PSME4: variants seen among roughly 807,000 people sequenced by gnomAD.
PSME4 encodes the protein proteasome activator complex subunit 4.
PSME4 carries 89 observed loss-of-function variants against 253.9 expected under a neutral mutation model. The ratio of observed to expected loss-of-function variants is 0.35; its 90% CI spans 0.30 to 0.42. The LOEUF (loss-of-function observed/expected upper bound fraction) is 0.42. Among genes scored for constraint, PSME4 ranks in the 10% least tolerant of loss-of-function variants. PSME4 has a pLI of 1.00. For synonymous variants in PSME4, 851 were observed against 759.2 expected, an observed-to-expected ratio of 1.12 and a Z score of -1.99; for missense variants, 2,014 against 2,195.2, an observed-to-expected ratio of 0.92 and a Z score of 1.65.
In PSME4 at chr2:53,932,095, C is replaced by G; in HGVS notation, c.1056G>C (p.Lys352Asn). ...HPSNNGRWLNKLMKLLQRLPN... is the reference protein window; with the variant it reads ...HPSNNGRWLNNLMKLLQRLPN... ...GCAACCGCTGAAGTAGTTTCATTAA[C>G]TTGTTCTGGGGACACAGAAGCAAAA... The change falls in exon 10 of 47, where the codon AAG (lysine) becomes AAC (asparagine). Residue 352 changes from lysine to asparagine, a missense_variant. Around this residue, in one of 4 missense-constraint regions of PSME4, gnomAD observed 615 missense variants for 594.4 expected, o/e 1.03. Transcript: ENST00000404125. 1.4e-5 allele frequency: 22 copies of G among 1,613,554 alleles called. No individual in the cohort carries two copies. Among genetic ancestry groups the G allele is most frequent in the Non-Finnish European group, 1.9e-5 (22 of 1,179,594 alleles).
intron 1 of PSME4, among the ~76,000 whole-genome samples, chr2:53,962,007 A>T (rs1670516031): frequency 3.3e-5 from 5 of 152,242 alleles, no homozygotes; most frequent in Admixed American, 3.3e-4. Context: ...AACTTGTGGA[A>T]TGCTGAGAAA....
Position 53,936,174 on chromosome 2 carries a change from A to C in PSME4, c.760-13T>G. Reference sequence around the variant, plus strand: ...GATTTACTAGTTGCTGAAAGTAAACAAAAAGGACAAAGTTAATATATTTGT... The same window carrying C: ...GATTTACTAGTTGCTGAAAGTAAACCAAAAGGACAAAGTTAATATATTTGT... On this transcript the variant is annotated splice_polypyrimidine_tract_variant and intron_variant, in intron 6 of 46. Transcript: ENST00000404125. 1 of 1,613,262 alleles carries C rather than the reference A, an allele frequency of 6.2e-7. No homozygotes were observed. The highest frequency in any genetic ancestry group is 8.5e-7 in the Non-Finnish European group (1 of 1,179,492).
chr2:53,901,613 A>G (rs1680404168), intron 27 of PSME4, 54 bp from the exon 28 acceptor site: 4 of 1,446,954 alleles, frequency 2.8e-6, no homozygotes, highest in African/African-American at 1.4e-5. Flanking sequence ...GGCATCATGT[A>G]GTTGTAGCCA....
intron 1 of PSME4, among the ~76,000 whole-genome samples, chr2:53,958,968 T>C (rs1046392075): frequency 7.9e-5 from 12 of 152,240 alleles, no homozygotes; most frequent in Non-Finnish European, 1.6e-4. Context: ...ATGTTAAAAC[T>C]TTACTAAAAT....
At chr2:53,938,811 G>C (rs932179289) in intron 4 of PSME4, among the ~76,000 whole-genome samples, 1 of 152,096 alleles carries the variant, frequency 6.6e-6, no homozygotes, top group Non-Finnish European at 1.5e-5. Context: ...GAATACTTCT[G>C]TTGAGTTCAC....
chr2:53,958,301 A>G (rs1418543142), intron 1 of PSME4, among the ~76,000 whole-genome samples: 1 of 152,032 alleles, frequency 6.6e-6, no homozygotes, highest in Admixed American at 6.6e-5. Flanking sequence ...GATTGCAGTG[A>G]GCTGAGATAG....
intron 14 of PSME4, among the ~76,000 whole-genome samples, chr2:53,924,562 CA>C (rs1324354832): frequency 6.6e-6 from 1 of 152,072 alleles, no homozygotes; most frequent in African/African-American, 2.4e-5. Context: ...ATGTCATAAG[CA>C]ATTTCTAAAA....
In PSME4 at chr2:53,920,883, G is replaced by A; in HGVS notation, c.2262+6C>T. 6.3e-7 allele frequency: 1 copy of A among 1,576,952 alleles called. No individual in the cohort carries two copies. The highest frequency in any genetic ancestry group is 8.7e-7 in the Non-Finnish European group (1 of 1,146,870). ...TCTTGAATCCTAAAGTACTGAAAAT[G>A]CTTGCCTTGATAGGAAAGTATTCAG... On this transcript the variant is annotated splice_donor_region_variant and intron_variant, in intron 18 of 46. Coordinates refer to ENST00000404125, the MANE Select transcript of PSME4 (RefSeq NM_014614.3).
intron 27 of PSME4, 44 bp downstream of exon 27, chr2:53,903,981 A>G: frequency 4.0e-6 from 6 of 1,502,788 alleles, no homozygotes; most frequent in Middle Eastern, 1.7e-4. Context: ...GCTTTTCAGT[A>G]TGTTTGAAAA....
intron 1 of PSME4, among the ~76,000 whole-genome samples, chr2:53,957,545 G>A (rs1483254311): frequency 1.3e-5 from 2 of 152,172 alleles, no homozygotes; most frequent in African/African-American, 4.8e-5. Context: ...ACTGATCTGA[G>A]AGGAGGCAGA....
chr2:53,883,977 C>T (rs182730752), intron 41 of PSME4, among the ~76,000 whole-genome samples: 1 of 152,242 alleles, frequency 6.6e-6, no homozygotes, highest in Non-Finnish European at 1.5e-5. Flanking sequence ...TTCTGACCGC[C>T]TCTTCTACTC....
chr2:53,950,632 A>G (rs1669931268), intron 1 of PSME4, among the ~76,000 whole-genome samples: 1 of 152,076 alleles, frequency 6.6e-6, no homozygotes, highest in Non-Finnish European at 1.5e-5. Context: ...ACCTGAGGTC[A>G]GGAGTTTGAG....
At chr2:53,879,964 A>T (rs924478652) in intron 41 of PSME4, among the ~76,000 whole-genome samples, 1 of 152,222 alleles carries the variant, frequency 6.6e-6, no homozygotes, top group African/African-American at 2.4e-5. Context: ...TTAAAAGGTT[A>T]AAAAAATTAC....
chr2:53,876,832 C>T (rs911755508), intron 41 of PSME4, among the ~76,000 whole-genome samples: 12 of 151,038 alleles, frequency 7.9e-5, no homozygotes, highest in Non-Finnish European at 1.6e-4. Flanking sequence ...ATCCTCCCAC[C>T]TCAGCCTTCT....
intron 1 of PSME4, among the ~76,000 whole-genome samples, chr2:53,957,359 G>GAATC (rs1185082343): frequency 6.6e-6 from 1 of 152,136 alleles, no homozygotes; most frequent in Non-Finnish European, 1.5e-5. Flanking sequence ...TCATAATGTA[G>GAATC]AATCAGTGGG....
At chr2:53,917,749 T>C (rs1024571092) in intron 20 of PSME4, among the ~76,000 whole-genome samples, 28 of 152,224 alleles carry the variant, frequency 1.8e-4, no homozygotes, top group African/African-American at 6.0e-4. Flanking sequence ...GTCAAGTTCT[T>C]ACTGTATTAC....
intron 17 of PSME4, among the ~76,000 whole-genome samples, chr2:53,921,364 A>G (rs1668307362): frequency 6.6e-6 from 1 of 151,668 alleles, no homozygotes; most frequent in Non-Finnish European, 1.5e-5. Flanking sequence ...CTCCTGCCTC[A>G]GCCTCCCAAG....
intron 1 of PSME4, among the ~76,000 whole-genome samples, chr2:53,961,863 A>G (rs1380468233): frequency 6.6e-6 from 1 of 152,244 alleles, no homozygotes; most frequent in Non-Finnish European, 1.5e-5. Flanking sequence ...TTATAACCCG[A>G]AGCGTCCACC....
Position 53,875,738 on chromosome 2 carries a change from A to G in PSME4, c.4833T>C (p.Asn1611=), listed in dbSNP as rs781406553. The change falls in exon 42 of 47, where the codon AAT becomes AAC. Residue 1611 remains asparagine (N), a synonymous_variant. Transcript: ENST00000404125. The stretch of plus-strand genomic sequence containing the variant: ...TTTTCAGTTCATCGTAGCTATTGTC[A>G]TTTTCCACTGGGGCAATCTAAAAAA... ...PLFFKIAPVE[N]DNSYDELKRD... 24 of 1,612,378 alleles carry G rather than the reference A, an allele frequency of 1.5e-5. No homozygotes were observed. The highest frequency in any genetic ancestry group is 2.0e-5 in the Non-Finnish European group (23 of 1,179,354).
Sources: allele counts gnomAD v4.1 joint callset (sites outside exome capture counted in the v4.1 genomes callset), GRCh38; gene constraint gnomAD v4.1.1; regional missense constraint gnomAD v4.1.1; transcripts MANE v1.5; gene names NCBI Gene and HGNC (gene_info 2026-07-23, HGNC 2026-07-21).